MARCHF1: variants seen among roughly 807,000 people sequenced by gnomAD.
MARCHF1 encodes E3 ubiquitin-protein ligase MARCHF1.
Under a neutral mutation model 54.2 loss-of-function variants are expected in MARCHF1, and 40 were observed. The ratio of observed to expected loss-of-function variants is 0.74; its 90% CI spans 0.57 to 0.96. MARCHF1 has a LOEUF of 0.96. Ranked by LOEUF, MARCHF1 falls within the 40% of genes least tolerant of loss-of-function variation. MARCHF1 has a pLI of 0.00. For synonymous variants in MARCHF1, 236 were observed against 236.3 expected, an observed-to-expected ratio of 1.00 and a Z score of 0.01; for missense variants, 586 against 656.5, an observed-to-expected ratio of 0.89 and a Z score of 1.17.
At chr4:164,355,719 T>C (rs1730504253) in intron 1 of MARCHF1, among the ~76,000 whole-genome samples, 1 of 101,484 alleles carries the variant, frequency 9.9e-6, no homozygotes, top group South Asian at 3.4e-4. Context: ...GGACTTCATG[T>C]CCAAAACACC....
chr4:164,164,285 T>C (rs547919013), intron 1 of MARCHF1, among the ~76,000 whole-genome samples: 1 of 151,976 alleles, frequency 6.6e-6, no homozygotes, highest in African/African-American at 2.4e-5. Context: ...TGAAAAGCCA[T>C]AGACCAAAAG....
chr4:164,203,074 T>C (rs1731500037), intron 1 of MARCHF1, among the ~76,000 whole-genome samples: 1 of 151,976 alleles, frequency 6.6e-6, no homozygotes, highest in Non-Finnish European at 1.5e-5. Flanking sequence ...CTCTCCTTGA[T>C]ATAGACAATA....
intron 9 of MARCHF1, among the ~76,000 whole-genome samples, chr4:163,533,312 ATAG>A (rs1738417745): frequency 6.6e-6 from 1 of 151,960 alleles, no homozygotes; most frequent in Non-Finnish European, 1.5e-5. Flanking sequence ...AAAACTGGAG[ATAG>A]TAGGATCAGT....
chr4:163,808,238 C>T (rs1748280972), intron 4 of MARCHF1, among the ~76,000 whole-genome samples: 1 of 152,188 alleles, frequency 6.6e-6, no homozygotes, highest in Non-Finnish European at 1.5e-5. Flanking sequence ...TCACTAATCA[C>T]ATGCTGTCTG....
intron 4 of MARCHF1, among the ~76,000 whole-genome samples, chr4:163,814,659 A>G (rs1748486119): frequency 6.6e-6 from 1 of 152,216 alleles, no homozygotes; most frequent in African/African-American, 2.4e-5. Flanking sequence ...CACACAATGC[A>G]ACAGAAATTG....
chr4:164,124,049 T>C lies in MARCHF1; in HGVS notation c.-322-12387A>G, dbSNP rs1193003351. 3.9e-5 allele frequency among the ~76,000 whole-genome samples: 6 copies of C among 151,916 alleles called. No individual in the cohort carries two copies. In the South Asian group the frequency reaches 1.0e-3, roughly 26 times the overall value. ...AATATACAAGGAACTCAATCAACTC[T>C]ACAGGAAAAAAATTGTAATAATCTG... On this transcript the variant is annotated intron_variant, in intron 1 of 9. Coordinates refer to ENST00000514618, the MANE Select transcript of MARCHF1 (RefSeq NM_001394959.1).
intron 2 of MARCHF1, among the ~76,000 whole-genome samples, chr4:164,055,622 C>G (rs1435416944): frequency 1.3e-5 from 2 of 152,052 alleles, no homozygotes; most frequent in Non-Finnish European, 2.9e-5. Context: ...AACTTTCAAT[C>G]AATTAAAACA....
intron 7 of MARCHF1, among the ~76,000 whole-genome samples, chr4:163,605,587 C>T (rs1031073055): frequency 6.6e-6 from 1 of 152,144 alleles, no homozygotes; most frequent in African/African-American, 2.4e-5. Flanking sequence ...AATCATTCTA[C>T]TATCAAGACA....
intron 2 of MARCHF1, among the ~76,000 whole-genome samples, chr4:164,072,520 C>T (rs1754889738): frequency 6.6e-6 from 1 of 151,916 alleles, no homozygotes; most frequent in Admixed American, 6.6e-5. Context: ...AGGATTATGC[C>T]ACCACACGCC....
chr4:163,656,856 A>C (rs1037253522), intron 5 of MARCHF1, among the ~76,000 whole-genome samples: 4 of 152,218 alleles, frequency 2.6e-5, no homozygotes, highest in African/African-American at 9.6e-5. Context: ...AAAATTCAGT[A>C]TCCCTTCATG....
chr4:164,284,343 AG>A (rs1734095454), intron 1 of MARCHF1, among the ~76,000 whole-genome samples: 1 of 149,590 alleles, frequency 6.7e-6, no homozygotes, highest in East Asian at 2.0e-4. Flanking sequence ...ACAGAGAGAG[AG>A]AGAGAGAGAG....
chr4:163,879,639 T>C (rs1243994472), intron 3 of MARCHF1, among the ~76,000 whole-genome samples: 2 of 152,168 alleles, frequency 1.3e-5, no homozygotes, highest in Non-Finnish European at 2.9e-5. Flanking sequence ...AAAAGTGTTA[T>C]ATCAAACTGC....
In MARCHF1 at chr4:163,525,190, C is replaced by G. The variant is rs1342177642; in HGVS notation, c.*3558G>C. The G allele has an allele frequency of 6.6e-6, 1 of 152,014 alleles. No homozygotes were observed. The highest frequency in any genetic ancestry group is 1.5e-5 in the Non-Finnish European group (1 of 68,000). The allele number at this position is 152,014 out of a possible 1,614,324, so 9.4% of individuals were successfully genotyped here. On this transcript the variant is annotated 3_prime_UTR_variant, in exon 10 of 10. Coordinates refer to ENST00000514618, the MANE Select transcript of MARCHF1 (RefSeq NM_001394959.1). ...ATATGGGGCAGATAGAAAAATCTTCCCACCTCAGCCCCAGGACCCTTATAA... is the reference window on the plus strand; with the variant it reads ...ATATGGGGCAGATAGAAAAATCTTCGCACCTCAGCCCCAGGACCCTTATAA...
At chr4:163,973,011 A>G (rs894311843) in intron 3 of MARCHF1, among the ~76,000 whole-genome samples, 1 of 152,220 alleles carries the variant, frequency 6.6e-6, no homozygotes, top group African/African-American at 2.4e-5. Flanking sequence ...GATGATTTCT[A>G]TATGTAAATG....
intron 3 of MARCHF1, among the ~76,000 whole-genome samples, chr4:163,964,709 T>C (rs1174882997): frequency 3.3e-5 from 5 of 152,014 alleles, no homozygotes. Context: ...TCTATAACCC[T>C]TTTTCCATGG....
At chr4:163,735,738 T>C (rs1746016280) in intron 4 of MARCHF1, among the ~76,000 whole-genome samples, 1 of 150,790 alleles carries the variant, frequency 6.6e-6, no homozygotes, top group African/African-American at 2.5e-5. Context: ...CCACAGCAAG[T>C]GCTAAACCCT....
At chr4:164,266,912 A>T (rs528031819) in intron 1 of MARCHF1, among the ~76,000 whole-genome samples, 6 of 152,316 alleles carry the variant, frequency 3.9e-5, no homozygotes, top group South Asian at 2.1e-4. Flanking sequence ...TCAACTCATC[A>T]ATTTAAGCAA....
At chr4:163,535,424 C>A (rs1738496597) in intron 9 of MARCHF1, among the ~76,000 whole-genome samples, 1 of 152,002 alleles carries the variant, frequency 6.6e-6, no homozygotes. Flanking sequence ...AGCTTATTAC[C>A]CAATGATCTT....
At chr4:164,164,669 G>A (rs1431000) in intron 1 of MARCHF1, among the ~76,000 whole-genome samples, 1 of 151,934 alleles carries the variant, frequency 6.6e-6, no homozygotes, top group East Asian at 1.9e-4. Context: ...TATGGTGGTG[G>A]AAGAAAATAG....
Sources: allele counts gnomAD v4.1 joint callset (sites outside exome capture counted in the v4.1 genomes callset), GRCh38; gene constraint gnomAD v4.1.1; transcripts MANE v1.5; gene names NCBI Gene and HGNC (gene_info 2026-07-23, HGNC 2026-07-21).